The following REXO2 variants were observed in gnomAD, a reference collection of about 807,000 sequenced individuals.
REXO2 encodes RNA exonuclease 2.
In REXO2, 17 loss-of-function variants were observed where a neutral mutation model predicts 30.9. That is an observed-to-expected ratio of 0.55 (90% CI 0.38 to 0.82). The LOEUF (loss-of-function observed/expected upper bound fraction) is 0.82, where lower values mean the gene tolerates loss of function less well. Among genes scored for constraint, REXO2 ranks in the 40% least tolerant of loss-of-function variants. The pLI, the probability that REXO2 is intolerant of heterozygous loss-of-function variation, is 0.00. For missense variants in REXO2, 253 were observed against 293.2 expected (o/e 0.86, Z 1.00); for synonymous variants, 105 against 99.6 (o/e 1.05, Z -0.32).
chr11:114,448,779 G>T (rs1478425955), intron 6 of REXO2, among the ~76,000 whole-genome samples: 1 of 152,258 alleles, frequency 6.6e-6, no homozygotes, highest in Non-Finnish European at 1.5e-5. Flanking sequence ...AATGATGACT[G>T]TCAATAGCCT....
At chr11:114,443,273 A>ATTT (rs368759864) in intron 2 of REXO2, among the ~76,000 whole-genome samples, 1 of 138,524 alleles carries the variant, frequency 7.2e-6, no homozygotes. Flanking sequence ...GGCCCACCTA[A>ATTT]TTTTTTTTTT....
chr11:114,443,330 C>G (rs1227896291), intron 2 of REXO2, among the ~76,000 whole-genome samples: 2 of 149,172 alleles, frequency 1.3e-5, no homozygotes, highest in Non-Finnish European at 3.0e-5. Flanking sequence ...GTTGCCTGGA[C>G]TGGTCTTGAA....
chr11:114,442,895 T>C (rs1946488286), intron 2 of REXO2, among the ~76,000 whole-genome samples: 1 of 152,204 alleles, frequency 6.6e-6, no homozygotes, highest in Non-Finnish European at 1.5e-5. Context: ...TTTTTAAATA[T>C]AAAAATACTG....
rs1395945629 is a variant in REXO2, at chr11:114,449,967, G to A, written c.706G>A (p.Val236Met). ...AGAAAATGGGGAAAATGAGAAGACCGTGAGTTGATGCCAGTTATCATGCTG... is the reference window on the plus strand; with the variant it reads ...AGAAAATGGGGAAAATGAGAAGACCATGAGTTGATGCCAGTTATCATGCTG... The part of the protein sequence containing the change: ...IIENGENEKT[V>M]S Residue 236 changes from valine (V) to methionine (M), a missense_variant, in exon 7 of 7, where the codon GTG (valine) becomes ATG (methionine). Transcript: ENST00000265881. The A allele has an allele frequency of 1.1e-5, 17 of 1,598,654 alleles. No individual in the cohort carries two copies. The highest frequency in any genetic ancestry group is 2.3e-5 in the East Asian group (1 of 44,130).
intron 6 of REXO2, among the ~76,000 whole-genome samples, chr11:114,448,320 T>C (rs1946524256): frequency 6.6e-6 from 1 of 152,210 alleles, no homozygotes. Flanking sequence ...AGACAAGGAA[T>C]TTAAAGATCT....
chr11:114,440,161 G>A (rs1423545953), intron 1 of REXO2: 4 of 461,960 alleles, frequency 8.7e-6, no homozygotes, highest in South Asian at 4.6e-5. Context: ...TGCTGTTAGT[G>A]AGAGTCTGAG....
intron 1 of REXO2, 185 bp downstream of exon 1, chr11:114,439,860 C>T: frequency 1.5e-6 from 1 of 674,894 alleles, no homozygotes; most frequent in Non-Finnish European, 2.4e-6. Context: ...GGGCGCCGTG[C>T]TGCGCTGTAG....
intron 1 of REXO2, 68 bp downstream of exon 1, chr11:114,439,743 C>T (rs1946462052): frequency 7.0e-7 from 1 of 1,428,266 alleles, no homozygotes; most frequent in Non-Finnish European, 9.1e-7. Flanking sequence ...AGGAGTCGAG[C>T]CCGTCCTGGG....
At position 114,439,519 on chromosome 11, in the gene REXO2, G is replaced by A. The variant is rs779435231; in HGVS notation, c.-10G>A. Reference sequence around the variant, plus strand: ...TGCGAGACTGGGGCCGTGGCTGCTGGTCCCGGGTGATGCTAGGCGGCTCCC... The same window carrying A: ...TGCGAGACTGGGGCCGTGGCTGCTGATCCCGGGTGATGCTAGGCGGCTCCC... On this transcript the variant is annotated 5_prime_UTR_variant, in exon 1 of 7. Coordinates refer to ENST00000265881, the MANE Select transcript of REXO2 (RefSeq NM_015523.4). 6.9e-6 allele frequency: 11 copies of A among 1,604,514 alleles called. No homozygotes were observed. Among genetic ancestry groups the A allele is most frequent in the Middle Eastern group, 2.1e-4 (1 of 4,708 alleles).
At chr11:114,449,579 C>G (rs1474884201) in intron 6 of REXO2, among the ~76,000 whole-genome samples, 1 of 151,946 alleles carries the variant, frequency 6.6e-6, no homozygotes, top group East Asian at 1.9e-4. Context: ...TATTTTTTCT[C>G]CCTGTGGAAC....
At chr11:114,446,391 G>A in intron 5 of REXO2, 1 of 211,776 alleles carries the variant, frequency 4.7e-6, no homozygotes, top group Non-Finnish European at 9.3e-6. Flanking sequence ...TAGATGAAAA[G>A]CTCTTAAGTA....
chr11:114,441,703 C>T (rs1263299865), intron 2 of REXO2: 9 of 701,966 alleles, frequency 1.3e-5, no homozygotes, highest in Non-Finnish European at 1.3e-5. Flanking sequence ...GGATACATTT[C>T]GTAAATCTGC....
At chr11:114,448,842 G>T (rs1946527307) in intron 6 of REXO2, 1 of 152,216 alleles carries the variant, frequency 6.6e-6, no homozygotes, top group South Asian at 2.1e-4. Flanking sequence ...AAGTACTGTG[G>T]GTTTTCAGGT....
Position 114,450,130 on chromosome 11 carries a change from T to C in REXO2, c.*155T>C. The stretch of plus-strand genomic sequence containing the variant: ...AGCACACGAAATACTATTTTTCTCC[T>C]AATATGCTGTTTCCATTATGACACA... On this transcript the variant is annotated 3_prime_UTR_variant, in exon 7 of 7. Coordinates refer to ENST00000265881, the MANE Select transcript of REXO2 (RefSeq NM_015523.4). The C allele has an allele frequency of 1.5e-6, 1 of 652,004 alleles. No individual in the cohort carries two copies. The highest frequency in any genetic ancestry group is 2.5e-6 in the Non-Finnish European group (1 of 407,210). The allele number at this position is 652,004 out of a possible 1,614,324, so 40.4% of individuals were successfully genotyped here.
intron 4 of REXO2, chr11:114,445,554 T>C (rs1946505856): frequency 6.4e-6 from 1 of 155,152 alleles, no homozygotes; most frequent in East Asian, 1.9e-4. Flanking sequence ...TAAATATGCA[T>C]ATGATTTGTT....
intron 2 of REXO2, chr11:114,441,015 C>T (rs980815915): frequency 7.0e-6 from 2 of 284,040 alleles, no homozygotes; most frequent in Non-Finnish European, 1.3e-5. Context: ...TGTATGCCAG[C>T]TACAGTTTCT....
chr11:114,447,796 C>G, intron 5 of REXO2, 30 bp from the exon 6 acceptor site: 1 of 1,592,764 alleles, frequency 6.3e-7, no homozygotes, highest in African/African-American at 1.4e-5. Flanking sequence ...AGACAGCTTC[C>G]TTTGAGAGTT....
At chr11:114,444,329 A>G (rs1265104711) in intron 3 of REXO2, 2 of 631,820 alleles carry the variant, frequency 3.2e-6, no homozygotes, top group South Asian at 1.6e-5. Context: ...TGGACATGCT[A>G]TTAACAGTCA....
chr11:114,449,066 TATTG>T lies in REXO2; in HGVS notation c.585-776_585-773del, dbSNP rs200093851. ...GGCCCTTGGCCCATGATTCAGAGTT[TATTG>T]ATTTACTTGCACACTGTTCTAATAA... On this transcript the variant is annotated intron_variant, in intron 6 of 6. Transcript: ENST00000265881. The T allele has an allele frequency of 1.9e-4, 29 of 152,380 alleles. No homozygotes were observed. In the East Asian group the frequency reaches 5.2e-3, roughly 27 times the overall value. 9.4% of individuals were successfully genotyped at this position (152,380 alleles called of 1,614,324 possible). A position where few individuals can be genotyped will look rare whatever the true frequency, so the allele number is the denominator to read the frequency against.
Sources: gnomAD v4.1 joint callset for allele counts (sites outside exome capture counted in the v4.1 genomes callset) on GRCh38, gnomAD v4.1.1 for gene constraint, MANE v1.5 for transcripts, NCBI Gene and HGNC (gene_info 2026-07-23, HGNC 2026-07-21) for gene names.